Variants in KAZN observed in about 807,000 individuals in gnomAD.
KAZN encodes the protein kazrin, periplakin interacting protein, also known as kazrin.
A neutral mutation model predicts 87.4 loss-of-function variants in KAZN; 40 were observed. The ratio of observed to expected loss-of-function variants is 0.46; its 90% confidence interval spans 0.36 to 0.60. KAZN has a LOEUF of 0.60. KAZN is among the 20% of genes least tolerant of loss of function. KAZN has a pLI of 0.00. For missense variants in KAZN, 898 were observed against 1,073.9 expected, an observed-to-expected ratio of 0.84 and a Z score of 2.29; for synonymous variants, 466 against 458.3, an observed-to-expected ratio of 1.02 and a Z score of -0.22.
intron 2 of KAZN, among the ~76,000 whole-genome samples, chr1:14,328,929 G>A (rs16853960): frequency 0.035 from 5,362 of 152,076 alleles, 345 homozygotes; most frequent in African/African-American, 0.12. Context: ...GACTCAGAGG[G>A]AAATAGGTGT....
intron 1 of KAZN, among the ~76,000 whole-genome samples, chr1:14,635,086 G>C (rs1186225771): frequency 3.3e-5 from 5 of 152,214 alleles, no homozygotes; most frequent in African/African-American, 1.2e-4. Flanking sequence ...GCATCAGGGG[G>C]TTAGGTTGAA....
At chr1:14,606,850 A>C (rs1473144422) in intron 1 of KAZN, among the ~76,000 whole-genome samples, 2 of 152,164 alleles carry the variant, frequency 1.3e-5, no homozygotes, top group African/African-American at 2.4e-5. Context: ...TTCACACTCC[A>C]GTTGTGACAA....
intron 1 of KAZN, among the ~76,000 whole-genome samples, chr1:14,883,563 C>T (rs572772106): frequency 6.6e-6 from 1 of 151,838 alleles, no homozygotes; most frequent in South Asian, 2.1e-4. Context: ...CACGCTCCTC[C>T]CATCCTCCAT....
At chr1:14,456,510 T>C (rs1667575614) in intron 2 of KAZN, among the ~76,000 whole-genome samples, 1 of 152,212 alleles carries the variant, frequency 6.6e-6, no homozygotes, top group Non-Finnish European at 1.5e-5. Flanking sequence ...TTTTAATTCA[T>C]GTAGGTGACG....
intron 1 of KAZN, among the ~76,000 whole-genome samples, chr1:14,862,617 GC>G (rs1433259280): frequency 6.6e-6 from 1 of 152,142 alleles, no homozygotes; most frequent in Non-Finnish European, 1.5e-5. Context: ...TTTCCAATCA[GC>G]CTCCCAGACT....
intron 2 of KAZN, among the ~76,000 whole-genome samples, chr1:14,405,742 T>A (rs1250720263): frequency 6.6e-6 from 1 of 152,016 alleles, no homozygotes; most frequent in Non-Finnish European, 1.5e-5. Flanking sequence ...GTTGACAAGC[T>A]GGAGACCCCA....
intron 1 of KAZN, among the ~76,000 whole-genome samples, chr1:13,978,495 A>AT (rs1557758947): frequency 3.4e-5 from 5 of 147,512 alleles, no homozygotes; most frequent in Non-Finnish European, 7.5e-5. Flanking sequence ...TATAGAGATA[A>AT]ATATATATAT....
At chr1:14,246,332 TA>T (rs202018615) in intron 2 of KAZN, among the ~76,000 whole-genome samples, 2 of 147,452 alleles carry the variant, frequency 1.4e-5, no homozygotes, top group African/African-American at 2.4e-5. Flanking sequence ...AGAACTTAAT[TA>T]AAAAATATAT....
At chr1:14,736,342 A>G (rs1323602620) in intron 1 of KAZN, among the ~76,000 whole-genome samples, 2 of 144,752 alleles carry the variant, frequency 1.4e-5, no homozygotes, top group Non-Finnish European at 1.5e-5. Context: ...CTTGTTGCCC[A>G]GGCTAGAATT....
At position 15,010,535 on chromosome 1, in the gene KAZN, C is replaced by T. The variant is rs1055937046; in HGVS notation, c.419-24214C>T. 5.9e-5 allele frequency among the ~76,000 whole-genome samples: 9 copies of T among 152,192 alleles called. No individual in the cohort carries two copies. In the South Asian group the frequency reaches 6.2e-4, roughly 11 times the overall value. Reference sequence around the variant, plus strand: ...CCTCCCCAGTAGCTGGGACTACAGGCGCCCGCCACCATGCCCAGCTAATTT... The same window carrying T: ...CCTCCCCAGTAGCTGGGACTACAGGTGCCCGCCACCATGCCCAGCTAATTT... On this transcript the variant is annotated intron_variant, in intron 2 of 14. Coordinates refer to ENST00000376030, the MANE Select transcript of KAZN (RefSeq NM_201628.3).
intron 2 of KAZN, among the ~76,000 whole-genome samples, chr1:14,279,192 C>T (rs1652649989): frequency 6.6e-6 from 1 of 152,092 alleles, no homozygotes; most frequent in Admixed American, 6.5e-5. Flanking sequence ...GGCAGAGGAG[C>T]AGACAGACTG....
At chr1:14,042,035 G>T (rs932375621) in intron 1 of KAZN, among the ~76,000 whole-genome samples, 8 of 151,994 alleles carry the variant, frequency 5.3e-5, no homozygotes, top group Admixed American at 3.9e-4. Context: ...TCTTAGTGTG[G>T]GTTGGGCTTA....
chr1:14,207,867 G>T (rs1646776199), intron 2 of KAZN, among the ~76,000 whole-genome samples: 1 of 152,226 alleles, frequency 6.6e-6, no homozygotes, highest in South Asian at 2.1e-4. Context: ...TTCACAAATG[G>T]CTGAAAATGG....
intron 2 of KAZN, among the ~76,000 whole-genome samples, chr1:14,205,884 CAAAAAAAAAAAA>C (rs70997121): frequency 5.7e-5 from 2 of 35,220 alleles, no homozygotes. Flanking sequence ...GACACTGTCT[CAAAAAAAAAAAA>C]AAAAAAAAAA....
Position 14,113,330 on chromosome 1 carries a change from C to T in KAZN, c.92-67105C>T, listed in dbSNP as rs1049162948. Among the ~76,000 whole-genome samples the T allele has an allele frequency of 5.9e-5, 9 of 152,120 alleles. 1 individual carries two copies. The highest frequency in any genetic ancestry group is 3.9e-4 in the Admixed American group (6 of 15,274). On this transcript the variant is annotated intron_variant, in intron 1 of 16. Coordinates refer to the KAZN transcript ENST00000636203. Reference sequence around the variant, plus strand: ...ACCCTGCCAACCTTGTGATGTGTGGCGAAAGGATGACTGGGTGGGAAGAGC... The same window carrying T: ...ACCCTGCCAACCTTGTGATGTGTGGTGAAAGGATGACTGGGTGGGAAGAGC...
At chr1:14,216,163 TATATC>T (rs1186330628) in intron 2 of KAZN, among the ~76,000 whole-genome samples, 3 of 152,052 alleles carry the variant, frequency 2.0e-5, no homozygotes, top group Non-Finnish European at 4.4e-5. Context: ...GGGCCCACAT[TATATC>T]AGCCATAATT....
chr1:14,296,383 C>T (rs1474946362), intron 2 of KAZN, among the ~76,000 whole-genome samples: 1 of 152,108 alleles, frequency 6.6e-6, no homozygotes, highest in South Asian at 2.1e-4. Context: ...CTAAACCCCA[C>T]GTCTACACTT....
chr1:14,687,751 T>C (rs964549862), intron 1 of KAZN, among the ~76,000 whole-genome samples: 2 of 152,218 alleles, frequency 1.3e-5, no homozygotes, highest in African/African-American at 4.8e-5. Context: ...GGATGATTTA[T>C]CGGGGCAATA....
chr1:14,878,889 C>T (rs575156648), intron 1 of KAZN, among the ~76,000 whole-genome samples: 4 of 152,312 alleles, frequency 2.6e-5, no homozygotes, highest in Admixed American at 6.5e-5. Context: ...TGGTTGATAT[C>T]GATCTAGTTC....
Sources: allele counts gnomAD v4.1 joint callset (sites outside exome capture counted in the v4.1 genomes callset), GRCh38; gene constraint gnomAD v4.1.1; transcripts MANE v1.5; gene names NCBI Gene and HGNC (gene_info 2026-07-23, HGNC 2026-07-21).